The following LRP1 variants were observed in gnomAD, a reference collection of about 807,000 sequenced individuals.
LRP1 encodes prolow-density lipoprotein receptor-related protein 1.
In LRP1, 51 loss-of-function variants were observed where a neutral mutation model predicts 541.5. The ratio of observed to expected loss-of-function variants is 0.09; its 90% CI spans 0.08 to 0.12. The LOEUF (loss-of-function observed/expected upper bound fraction) is 0.12. LRP1 is among the 10% of genes least tolerant of loss of function. LRP1 has a pLI of 1.00. For missense variants in LRP1, 3,878 were observed against 6,376.2 expected (o/e 0.61, Z 13.34); for synonymous variants, 2,219 against 2,470.8 (o/e 0.90, Z 3.02).
chr12:57,205,067 C>A lies in LRP1; in HGVS notation c.11195-42C>A. The A allele has an allele frequency of 1.3e-6, 2 of 1,579,546 alleles. No homozygotes were observed. The highest frequency in any genetic ancestry group is 1.1e-5 in the South Asian group (1 of 87,466). On this transcript the variant is annotated intron_variant, in intron 72 of 88. Coordinates refer to ENST00000243077, the MANE Select transcript of LRP1 (RefSeq NM_002332.3). This position sits in a 1 kb window ranked among gnomAD's most constrained non-coding sequence, Gnocchi z 4.6. ...ATGGGGTTGCCGTGGGAGGAGGAGGCAGGGGAGAATACCCAGGGCCTAAAG... is the reference window on the plus strand; with the variant it reads ...ATGGGGTTGCCGTGGGAGGAGGAGGAAGGGGAGAATACCCAGGGCCTAAAG...
rs1333719772 is a variant in LRP1 at position 57,158,373 on chromosome 12, G to A, written c.1562-29G>A. 1.3e-6 allele frequency: 2 copies of A among 1,560,108 alleles called. No homozygotes were observed. Among genetic ancestry groups the A allele is most frequent in the East Asian group, 2.3e-5 (1 of 44,410 alleles). On this transcript the variant is annotated intron_variant, in intron 10 of 88. Coordinates refer to ENST00000243077, the MANE Select transcript of LRP1 (RefSeq NM_002332.3). This position sits in a 1 kb window ranked among gnomAD's most constrained non-coding sequence, Gnocchi z 5.3. ...GGGGATGATGGTCATGTGTGTGTCTGACTGTACCCTGGCTTGTGCCTGCTC... is the reference window on the plus strand; with the variant it reads ...GGGGATGATGGTCATGTGTGTGTCTAACTGTACCCTGGCTTGTGCCTGCTC...
intron 19 of LRP1, among the ~76,000 whole-genome samples, 182 bp from the exon 20 acceptor site, chr12:57,168,958 G>A (rs893407885): frequency 1.3e-5 from 2 of 151,922 alleles, no homozygotes; most frequent in Non-Finnish European, 2.9e-5. Context: ...TCCTGACCAC[G>A]TGGGCCATGG....
Position 57,167,036 on chromosome 12 carries a change from T to C in LRP1, c.2904T>C (p.Ser968=). ...ACTGTGGGGACCGCTCTGATGAGTC[T>C]GCTTCGTGTGGTAAGAGGGATGGGC... ...DDDCGDRSDE[S]ASCAYPTCFP... is the part of the protein sequence containing the mutation. Residue 968 remains serine (S), a synonymous_variant, in exon 18 of 89, where the codon TCT becomes TCC. Transcript: ENST00000243077. 6.2e-7 allele frequency: 1 copy of C among 1,613,660 alleles called. No individual in the cohort carries two copies.
rs1435786330 is a variant in LRP1, at chr12:57,206,848, T to G, written c.11859+107T>G. On this transcript the variant is annotated intron_variant, in intron 76 of 88. Transcript: ENST00000243077. This position sits in a 1 kb window ranked among gnomAD's most constrained non-coding sequence, Gnocchi z 4.7. ...CTGGCTAGGCGCAGTGGCTCACGCC[T>G]ATAATCCCAGCACTTTGGGAGGCCA... is the stretch of plus-strand genomic sequence containing the variant. 5 of 1,315,460 alleles carry G rather than the reference T, an allele frequency of 3.8e-6. No individual in the cohort carries two copies. The highest frequency in any genetic ancestry group is 5.2e-6 in the Non-Finnish European group (5 of 958,104). The allele number at this position is 1,315,460 out of a possible 1,614,324, so 81.5% of individuals were successfully genotyped here. A position where few individuals can be genotyped will look rare whatever the true frequency, so the allele number is the denominator to read the frequency against.
In LRP1 at chr12:57,205,315, G is replaced by T. The variant is rs919657044; in HGVS notation, c.11336-36G>T. ...GAGAGCCAAGCCCTGGCCTGGGGTG[G>T]CTCAAGGGAGGGCATCCACTCTCTG... On this transcript the variant is annotated intron_variant, in intron 73 of 88. Transcript: ENST00000243077. This position sits in a 1 kb window ranked among gnomAD's most constrained non-coding sequence, Gnocchi z 4.6. 9 of 1,589,598 alleles carry T rather than the reference G, an allele frequency of 5.7e-6. No individual in the cohort carries two copies. The highest frequency in any genetic ancestry group is 7.7e-6 in the Non-Finnish European group (9 of 1,165,382).
In LRP1 at chr12:57,193,189, T is replaced by C. The variant is rs773127805; in HGVS notation, c.7569T>C (p.Ser2523=). ...CTCCCTCCCCAGCGGTGAATTCCTC[T>C]TGCCGAGCACAAGATGAGTTTGAGT... is the stretch of plus-strand genomic sequence containing the variant. ...DDLTCRAVNS[S]CRAQDEFECA... The change falls in exon 46 of 89, where the codon TCT becomes TCC. Residue 2523 remains serine, a synonymous_variant. Transcript: ENST00000243077. The C allele has an allele frequency of 1.2e-6, 2 of 1,614,064 alleles. No individual in the cohort carries two copies. The highest frequency in any genetic ancestry group is 1.7e-6 in the Non-Finnish European group (2 of 1,179,928).
intron 61 of LRP1, 93 bp from the exon 62 acceptor site, chr12:57,199,784 A>G: frequency 7.0e-7 from 1 of 1,435,150 alleles, no homozygotes; most frequent in Non-Finnish European, 9.4e-7. Context: ...GGCAGGGTTC[A>G]GACCCACCCG....
At position 57,158,714 on chromosome 12, in the gene LRP1, T is replaced by C; in HGVS notation, c.1798+76T>C. 7.4e-7 allele frequency: 1 copy of C among 1,349,804 alleles called. No individual in the cohort carries two copies. 83.6% of individuals were successfully genotyped at this position (1,349,804 alleles called of 1,614,324 possible). On this transcript the variant is annotated intron_variant, in intron 11 of 88. Transcript: ENST00000243077. The surrounding 1 kb of genome is among the most constrained non-coding windows in gnomAD (Gnocchi z 5.3). ...CAGGCATCTGTTTCTCGGTGCCCTC[T>C]CAGCAGGATGGTCCCCTGCTGACTG...
At position 57,154,096 on chromosome 12, in the gene LRP1, G is replaced by A; in HGVS notation, c.842-112G>A. 1.0e-6 allele frequency: 1 copy of A among 960,884 alleles called. No homozygotes were observed. The highest frequency in any genetic ancestry group is 1.6e-6 in the Non-Finnish European group (1 of 614,622). 59.5% of individuals were successfully genotyped at this position (960,884 alleles called of 1,614,324 possible). On this transcript the variant is annotated intron_variant, in intron 6 of 88. Transcript: ENST00000243077. The surrounding 1 kb of genome is among the most constrained non-coding windows in gnomAD (Gnocchi z 4.6). ...AGCTAAGCATGGGGGTGTTGGGTGGGAGGGCGTCCAGAGAAGGTGGGCTTC... is the reference window on the plus strand; with the variant it reads ...AGCTAAGCATGGGGGTGTTGGGTGGAAGGGCGTCCAGAGAAGGTGGGCTTC...
rs370287263 is a variant in LRP1, at chr12:57,183,542, G to A, written c.5794+32G>A. The A allele has an allele frequency of 1.2e-5, 19 of 1,603,712 alleles. No homozygotes were observed. Among genetic ancestry groups the A allele is most frequent in the East Asian group, 6.7e-5 (3 of 44,614 alleles). On this transcript the variant is annotated intron_variant, in intron 35 of 88. Coordinates refer to ENST00000243077, the MANE Select transcript of LRP1 (RefSeq NM_002332.3). The surrounding 1 kb of genome is among the most constrained non-coding windows in gnomAD (Gnocchi z 6.1). The stretch of plus-strand genomic sequence containing the variant: ...CATTTGGTGGCAGAGGGAGTTGGGC[G>A]TGGCGTAGGAGCTTTAGGGGTGGTG...
Position 57,193,569 on chromosome 12 carries a change from C to A in LRP1, c.7688C>A (p.Ser2563Tyr). 1 of 1,613,670 alleles carries A rather than the reference C, an allele frequency of 6.2e-7. No individual in the cohort carries two copies. Among genetic ancestry groups the A allele is most frequent in the Non-Finnish European group, 8.5e-7 (1 of 1,179,772 alleles). Residue 2563 changes from serine to tyrosine, a missense_variant, in exon 47 of 89, where the codon TCC (serine) becomes TAC (tyrosine). Physicochemically the swap from Ser to Tyr is moderately radical, Grantham distance 144. This residue lies in a region of LRP1 where 1,100 missense variants were observed against 1,827.4 expected (regional missense o/e 0.60). Transcript: ENST00000243077. ...CAGCCTACTCCTCCATTTGCAGACT[C>A]CCGCCGCTGCAAGAAGACTTTCCGG... ...KSDEKPSYCN[S>Y]RRCKKTFRQC... is the part of the protein sequence containing the mutation.
At position 57,195,676 on chromosome 12, in the gene LRP1, A is replaced by G. The variant is rs1465769755; in HGVS notation, c.8456A>G (p.Asp2819Gly). 6.2e-7 allele frequency: 1 copy of G among 1,613,960 alleles called. No individual in the cohort carries two copies. Among genetic ancestry groups the G allele is most frequent in the African/African-American group, 1.3e-5 (1 of 74,902 alleles). Reference protein sequence around the residue: ...AAGCLYNSTCDDREFMCQNRQ... With the variant: ...AAGCLYNSTCGDREFMCQNRQ... ...TCCACAGTGTACAACAGCACTTGTGACGACCGTGAGTTCATGTGCCAGAAC... is the reference window on the plus strand; with the variant it reads ...TCCACAGTGTACAACAGCACTTGTGGCGACCGTGAGTTCATGTGCCAGAAC... Residue 2819 changes from aspartate to glycine, a missense_variant, in exon 53 of 89, where the codon GAC becomes GGC. Coordinates refer to ENST00000243077, the MANE Select transcript of LRP1 (RefSeq NM_002332.3).
chr12:57,204,818 TG>T lies in LRP1; in HGVS notation c.11194+72del. Reference sequence around the variant, plus strand: ...CACAGTGGGGTGAGTCTGGTCCTCGTGGGAGCTGCACTGGGGTTAGGGTTAA... The same window carrying T: ...CACAGTGGGGTGAGTCTGGTCCTCGTGGAGCTGCACTGGGGTTAGGGTTAA... On this transcript the variant is annotated intron_variant, in intron 72 of 88. Transcript: ENST00000243077. This position sits in a 1 kb window ranked among gnomAD's most constrained non-coding sequence, Gnocchi z 5.3. 6.3e-7 allele frequency: 1 copy of T among 1,595,656 alleles called. No homozygotes were observed.
Position 57,205,611 on chromosome 12 carries a change from A to C in LRP1, c.11524A>C (p.Lys3842Gln), listed in dbSNP as rs1555188220. The part of the protein sequence containing the change: ...GTCSQLCNNT[K>Q]GGHLCSCARN... Reference sequence around the variant, plus strand: ...CTGCTCCCAGCTCTGCAACAACACCAAGGGCGGCCACCTCTGCAGCTGCGC... The same window carrying C: ...CTGCTCCCAGCTCTGCAACAACACCCAGGGCGGCCACCTCTGCAGCTGCGC... The change falls in exon 75 of 89, where the codon AAG (lysine) becomes CAG (glutamine). Residue 3842 changes from lysine (K) to glutamine (Q), a missense_variant. Physicochemically the swap from Lys to Gln is moderately conservative, Grantham distance 53. Transcript: ENST00000243077. This position sits in a 1 kb window ranked among gnomAD's most constrained non-coding sequence, Gnocchi z 4.6. 6.2e-7 allele frequency: 1 copy of C among 1,613,786 alleles called. No individual in the cohort carries two copies. The highest frequency in any genetic ancestry group is 8.5e-7 in the Non-Finnish European group (1 of 1,180,000).
chr12:57,166,988 C>T lies in LRP1; in HGVS notation c.2856C>T (p.Ser952=), dbSNP rs748189898. The T allele has an allele frequency of 3.1e-6, 5 of 1,614,176 alleles. No individual in the cohort carries two copies. Among genetic ancestry groups the T allele is most frequent in the Admixed American group, 3.3e-5 (2 of 60,020 alleles). ...SCASGRCIPI[S]WTCDLDDDCG... Reference sequence around the variant, plus strand: ...CCAGTGGCCGCTGCATCCCCATCTCCTGGACGTGTGATCTGGATGACGACT... The same window carrying T: ...CCAGTGGCCGCTGCATCCCCATCTCTTGGACGTGTGATCTGGATGACGACT... Residue 952 remains serine, a synonymous_variant, in exon 18 of 89, where the codon TCC becomes TCT. Coordinates refer to ENST00000243077, the MANE Select transcript of LRP1 (RefSeq NM_002332.3).
At chr12:57,161,833 CCTAT>C (rs2035740482) in intron 13 of LRP1, among the ~76,000 whole-genome samples, 1 of 152,136 alleles carries the variant, frequency 6.6e-6, no homozygotes, top group Non-Finnish European at 1.5e-5. Context: ...CCGTATGTGC[CCTAT>C]CTGAGACAGT....
In LRP1 at chr12:57,210,007, C is replaced by G. The variant is rs35430536; in HGVS notation, c.12440-22C>G. On this transcript the variant is annotated intron_variant, in intron 80 of 88. Coordinates refer to ENST00000243077, the MANE Select transcript of LRP1 (RefSeq NM_002332.3). ...GAGAAGGGTCCTGCTCAGCATCCTCCCCACCCCACCCATACCTGCAGTGAC... is the reference window on the plus strand; with the variant it reads ...GAGAAGGGTCCTGCTCAGCATCCTCGCCACCCCACCCATACCTGCAGTGAC... 1.4e-4 allele frequency: 226 copies of G among 1,591,464 alleles called. No homozygotes were observed. The African/African-American group carries it at 2.8e-3, about 19-fold the overall frequency.
At chr12:57,149,559 A>C (rs757093109) in intron 6 of LRP1, 2 of 679,454 alleles carry the variant, frequency 2.9e-6, no homozygotes, top group Non-Finnish European at 5.4e-6. Context: ...TAGAGGGAAG[A>C]CCCTAAGATG....
intron 3 of LRP1, among the ~76,000 whole-genome samples, chr12:57,143,346 T>A (rs2035335202): frequency 6.6e-6 from 1 of 152,100 alleles, no homozygotes; most frequent in South Asian, 2.1e-4. Flanking sequence ...ATCAAAGGGA[T>A]AAGACTCACC....
Sources: allele counts gnomAD v4.1 joint callset (sites outside exome capture counted in the v4.1 genomes callset), GRCh38; gene constraint gnomAD v4.1.1; regional missense constraint gnomAD v4.1.1; non-coding constraint Gnocchi (gnomAD v3.1); transcripts MANE v1.5; gene names NCBI Gene and HGNC (gene_info 2026-07-23, HGNC 2026-07-21).